The following ELMO1 variants were observed in gnomAD, a reference collection of about 807,000 sequenced individuals.
ELMO1 encodes the protein engulfment and cell motility 1.
A neutral mutation model predicts 98.9 loss-of-function variants in ELMO1; 26 were observed. The observed-to-expected ratio is 0.26, with a 90% confidence interval of 0.19 to 0.36. The LOEUF (loss-of-function observed/expected upper bound fraction) is 0.36. ELMO1 is among the 10% of genes least tolerant of loss of function. The pLI, the probability that ELMO1 is intolerant of heterozygous loss-of-function variation, is 1.00. For missense variants in ELMO1, 627 were observed against 935.2 expected, an observed-to-expected ratio of 0.67 and a Z score of 4.30; for synonymous variants, 346 against 346.0, an observed-to-expected ratio of 1.00 and a Z score of 0.00.
rs540812693 is a variant in ELMO1 at position 36,879,652 on chromosome 7, T to C, written c.1715-1535A>G. ...GTCTCTGTGATTCTTATCTTCCTCATCTTTAAATAGAGTTTGAGAATTCTG... is the reference window on the plus strand; with the variant it reads ...GTCTCTGTGATTCTTATCTTCCTCACCTTTAAATAGAGTTTGAGAATTCTG... On this transcript the variant is annotated intron_variant, in intron 18 of 21. Transcript: ENST00000310758. 3.9e-5 allele frequency among the ~76,000 whole-genome samples: 6 copies of C among 152,350 alleles called. No homozygotes were observed. The East Asian group carries it at 1.2e-3, about 29-fold the overall frequency.
intron 8 of ELMO1, among the ~76,000 whole-genome samples, chr7:37,228,805 C>T: frequency 6.6e-6 from 1 of 151,922 alleles, no homozygotes; most frequent in East Asian, 1.9e-4. Flanking sequence ...GATCGGCTAA[C>T]ATGGTGAAAC....
intron 13 of ELMO1, among the ~76,000 whole-genome samples, chr7:37,143,228 C>T (rs6958656): frequency 0.85 from 130,038 of 152,110 alleles, 56,414 homozygotes; most frequent in Non-Finnish European, 0.93. Context: ...AATTGGGTAG[C>T]TTGCCCAAAG....
chr7:36,946,603 T>C (rs1018026453), intron 16 of ELMO1, among the ~76,000 whole-genome samples: 2 of 152,224 alleles, frequency 1.3e-5, no homozygotes, highest in Non-Finnish European at 2.9e-5. Context: ...GTGGTAAGGA[T>C]GAGGGGTTGG....
chr7:36,893,269 A>G (rs992007229), intron 17 of ELMO1, among the ~76,000 whole-genome samples: 1 of 152,180 alleles, frequency 6.6e-6, no homozygotes, highest in Non-Finnish European at 1.5e-5. Context: ...GCAAGGAGCC[A>G]TTGTCCCTCT....
At chr7:36,869,897 T>C (rs1227899538) in intron 20 of ELMO1, among the ~76,000 whole-genome samples, 1 of 152,224 alleles carries the variant, frequency 6.6e-6, no homozygotes. Flanking sequence ...CTGAAGGGTA[T>C]CAGGCCTTTA....
chr7:37,222,504 G>T (rs1021967555), intron 10 of ELMO1, 111 bp downstream of exon 10: 5 of 1,058,282 alleles, frequency 4.7e-6, no homozygotes, highest in African/African-American at 3.2e-5. Context: ...TCCATCTGTG[G>T]CCAGGATAGC....
At chr7:37,366,960 T>TACTATGTAATAAA (rs1554301033) in intron 1 of ELMO1, among the ~76,000 whole-genome samples, 2 of 152,202 alleles carry the variant, frequency 1.3e-5, no homozygotes, top group African/African-American at 4.8e-5. Context: ...TACTAAAATA[T>TACTATGTAATAAA]ACTTACATAG....
intron 15 of ELMO1, among the ~76,000 whole-genome samples, chr7:37,088,605 G>A (rs1783906981): frequency 1.3e-5 from 2 of 152,182 alleles, no homozygotes; most frequent in Non-Finnish European, 2.9e-5. Flanking sequence ...GATGGGGACA[G>A]TAAGGGGCAA....
In ELMO1 at chr7:36,870,379, T is replaced by C; in HGVS notation, c.1905+14A>G. ...GGGCAAATAGAGCTATTTGCAATAA[T>C]TTGGAAATCATACCTTGTTTTGTTT... On this transcript the variant is annotated intron_variant, in intron 20 of 21. Coordinates refer to ENST00000310758, the MANE Select transcript of ELMO1 (RefSeq NM_014800.11). This position sits in a 1 kb window ranked among gnomAD's most constrained non-coding sequence, Gnocchi z 4.4. The C allele has an allele frequency of 6.2e-7, 1 of 1,613,674 alleles. No individual in the cohort carries two copies. The highest frequency in any genetic ancestry group is 2.2e-5 in the East Asian group (1 of 44,852).
chr7:37,165,635 AC>A (rs1285350289), intron 13 of ELMO1, among the ~76,000 whole-genome samples: 1 of 152,078 alleles, frequency 6.6e-6, no homozygotes, highest in African/African-American at 2.4e-5. Flanking sequence ...ATGCTGGATT[AC>A]ATTTATTGAT....
At chr7:36,974,744 T>C (rs1790365686) in intron 16 of ELMO1, among the ~76,000 whole-genome samples, 1 of 152,204 alleles carries the variant, frequency 6.6e-6, no homozygotes, top group Non-Finnish European at 1.5e-5. Flanking sequence ...TTTCGCTCTT[T>C]GCAATAAGTC....
At chr7:37,268,634 T>C (rs1169527302) in intron 5 of ELMO1, among the ~76,000 whole-genome samples, 1 of 152,166 alleles carries the variant, frequency 6.6e-6, no homozygotes, top group Non-Finnish European at 1.5e-5. Context: ...TAGATAAAGA[T>C]ACCACACTAG....
intron 13 of ELMO1, among the ~76,000 whole-genome samples, chr7:37,183,087 A>G (rs933815377): frequency 6.6e-6 from 1 of 152,210 alleles, no homozygotes; most frequent in Admixed American, 6.5e-5. Context: ...GTGTTGATAC[A>G]CTAGAACAAT....
chr7:36,861,824 T>C (rs894330354), intron 20 of ELMO1, 88 bp from the exon 21 acceptor site: 3 of 1,282,764 alleles, frequency 2.3e-6, no homozygotes, highest in African/African-American at 1.5e-5. Flanking sequence ...GACCATGGCA[T>C]AGGGCCAGCT....
chr7:37,288,802 T>G (rs1407679611), intron 4 of ELMO1, among the ~76,000 whole-genome samples: 1 of 152,242 alleles, frequency 6.6e-6, no homozygotes. Context: ...ACATGTAGTC[T>G]TATTTTTTGA....
chr7:37,213,321 C>T lies in ELMO1; in HGVS notation c.954+14G>A. ...TCCTTCCTGTGCTTTGACTGCTGTC[C>T]AATGAGCACTCACCTGGTCCTGGGG... On this transcript the variant is annotated intron_variant, in intron 12 of 21. Coordinates refer to ENST00000310758, the MANE Select transcript of ELMO1 (RefSeq NM_014800.11). 6.2e-7 allele frequency: 1 copy of T among 1,611,394 alleles called. No homozygotes were observed. The highest frequency in any genetic ancestry group is 1.3e-5 in the African/African-American group (1 of 74,890).
chr7:37,234,380 A>G (rs1024973441), intron 7 of ELMO1, among the ~76,000 whole-genome samples: 13 of 152,162 alleles, frequency 8.5e-5, no homozygotes, highest in African/African-American at 3.1e-4. Flanking sequence ...CAGCTTCTCA[A>G]TTTCCCTTCT....
At chr7:37,248,194 A>ATG (rs3054282) in intron 6 of ELMO1, among the ~76,000 whole-genome samples, 22,513 of 140,974 alleles carry the variant, frequency 0.16, 2,969 homozygotes, top group African/African-American at 0.38. Flanking sequence ...GGGATTTTAT[A>ATG]TGTGTGTGTG....
At chr7:37,377,655 G>A (rs1322804271) in intron 1 of ELMO1, among the ~76,000 whole-genome samples, 3 of 152,114 alleles carry the variant, frequency 2.0e-5, no homozygotes, top group Non-Finnish European at 4.4e-5. Flanking sequence ...TCTTCAGAGA[G>A]GAAAGCAAAT....
Sources: gnomAD v4.1 joint callset for allele counts (sites outside exome capture counted in the v4.1 genomes callset) on GRCh38, gnomAD v4.1.1 for gene constraint, Gnocchi (gnomAD v3.1) non-coding constraint, MANE v1.5 for transcripts, NCBI Gene and HGNC (gene_info 2026-07-23, HGNC 2026-07-21) for gene names.